The following SUMF1 variants were observed in gnomAD, a reference collection of about 807,000 sequenced individuals.
SUMF1 encodes formylglycine-generating enzyme.
Under a neutral mutation model 47.6 loss-of-function variants are expected in SUMF1, and 48 were observed. That is an observed-to-expected ratio of 1.01 (90% CI 0.80 to 1.28). The LOEUF (loss-of-function observed/expected upper bound fraction) is 1.28. SUMF1 is among the 50% of genes most tolerant of loss of function. SUMF1 has a pLI of 0.00. For synonymous variants in SUMF1, 230 were observed against 192.1 expected, an observed-to-expected ratio of 1.20 and a Z score of -1.63; for missense variants, 571 against 485.4, an observed-to-expected ratio of 1.18 and a Z score of -1.66.
intron 9 of SUMF1, among the ~76,000 whole-genome samples, chr3:4,042,343 G>C (rs979800211): frequency 6.6e-6 from 1 of 151,858 alleles, no homozygotes; most frequent in African/African-American, 2.4e-5. Context: ...TTGTTTGCTT[G>C]TTTGTTTTTA....
intron 8 of SUMF1, among the ~76,000 whole-genome samples, chr3:4,269,499 C>G (rs1697263978): frequency 6.6e-6 from 1 of 152,142 alleles, no homozygotes; most frequent in Admixed American, 6.5e-5. Flanking sequence ...GCGTGTTTAG[C>G]AGATACATGC....
chr3:4,384,132 T>A (rs573141099), intron 7 of SUMF1, among the ~76,000 whole-genome samples: 2 of 152,336 alleles, frequency 1.3e-5, no homozygotes, highest in African/African-American at 4.8e-5. Context: ...ATCTGAGGTA[T>A]CAGCTAGTTC....
intron 7 of SUMF1, among the ~76,000 whole-genome samples, chr3:4,396,002 TTGACC>T: frequency 6.6e-6 from 1 of 152,252 alleles, no homozygotes; most frequent in Non-Finnish European, 1.5e-5. Context: ...AGACATATAA[TTGACC>T]ATCCAAATAA....
At chr3:4,174,384 T>A (rs1469599114) in intron 8 of SUMF1, among the ~76,000 whole-genome samples, 4 of 146,594 alleles carry the variant, frequency 2.7e-5, no homozygotes, top group Non-Finnish European at 6.0e-5. Flanking sequence ...AAAATTATGG[T>A]TACCCAGTTT....
At chr3:4,332,853 AC>A (rs1575105505) in intron 8 of SUMF1, among the ~76,000 whole-genome samples, 3 of 152,104 alleles carry the variant, frequency 2.0e-5, no homozygotes, top group Admixed American at 6.5e-5. Context: ...CTTTTGGCCC[AC>A]CATGCCGCCT....
At chr3:4,213,210 T>C (rs566465478) in intron 8 of SUMF1, among the ~76,000 whole-genome samples, 1 of 152,080 alleles carries the variant, frequency 6.6e-6, no homozygotes, top group South Asian at 2.1e-4. Flanking sequence ...TAACAGCAAA[T>C]CTCTCTGCAG....
At chr3:4,463,287 C>A (rs1274203320) in intron 1 of SUMF1, among the ~76,000 whole-genome samples, 1 of 152,134 alleles carries the variant, frequency 6.6e-6, no homozygotes, top group Admixed American at 6.5e-5. Context: ...GTCAAAAGAT[C>A]GAGACAATCC....
At chr3:4,287,169 T>C (rs948620530) in intron 8 of SUMF1, among the ~76,000 whole-genome samples, 4 of 152,120 alleles carry the variant, frequency 2.6e-5, no homozygotes. Context: ...CCTAATATGT[T>C]AAATACTGGT....
intron 8 of SUMF1, among the ~76,000 whole-genome samples, chr3:4,177,311 T>C (rs1305736510): frequency 6.6e-6 from 1 of 152,018 alleles, no homozygotes; most frequent in Non-Finnish European, 1.5e-5. Context: ...TCAGCAAATG[T>C]AAAAGAAAAG....
At chr3:4,320,070 G>T (rs1483697239) in intron 8 of SUMF1, among the ~76,000 whole-genome samples, 4 of 152,194 alleles carry the variant, frequency 2.6e-5, no homozygotes, top group Admixed American at 6.5e-5. Context: ...TACTGTGATG[G>T]TGTATACATG....
intron 8 of SUMF1, among the ~76,000 whole-genome samples, chr3:4,327,820 T>G (rs946454323): frequency 6.6e-6 from 1 of 152,186 alleles, no homozygotes; most frequent in East Asian, 1.9e-4. Context: ...TTGGAAAATG[T>G]GTTAAATATC....
At chr3:4,217,831 A>G (rs1409181558) in intron 8 of SUMF1, among the ~76,000 whole-genome samples, 1 of 151,710 alleles carries the variant, frequency 6.6e-6, no homozygotes, top group African/African-American at 2.4e-5. Context: ...GAAAAAATTA[A>G]GTTGTATACC....
chr3:4,217,509 ATTTT>A (rs1211193043), intron 8 of SUMF1, among the ~76,000 whole-genome samples: 1 of 71,076 alleles, frequency 1.4e-5, no homozygotes, highest in African/African-American at 8.4e-5. Flanking sequence ...AACTTAAAGT[ATTTT>A]TTATATATAT....
rs571066959 is a variant in SUMF1, at chr3:4,076,922, T to G, written c.1015-8177A>C. The stretch of plus-strand genomic sequence containing the variant: ...GGGAGGCTGAGGCAGGAGAATGGCG[T>G]GAACCCGAGAGGCAGAGCTTGCAGT... On this transcript the variant is annotated intron_variant and NMD_transcript_variant, in intron 8 of 12. Transcript: ENST00000448413. Among the ~76,000 whole-genome samples, 75 of 152,000 alleles carry G rather than the reference T, an allele frequency of 4.9e-4. 2 individuals carry two copies. In the East Asian group the frequency reaches 0.014, roughly 28 times the overall value.
At chr3:4,391,598 T>C (rs1274114465) in intron 7 of SUMF1, among the ~76,000 whole-genome samples, 1 of 152,080 alleles carries the variant, frequency 6.6e-6, no homozygotes, top group African/African-American at 2.4e-5. Context: ...TCTTTCCACC[T>C]AAGCTTCCTG....
chr3:4,345,162 G>A (rs1006824306), intron 8 of SUMF1, among the ~76,000 whole-genome samples: 4 of 152,202 alleles, frequency 2.6e-5, no homozygotes, highest in African/African-American at 9.6e-5. Context: ...AGGCCAACAC[G>A]CAAATTCAAG....
At chr3:4,105,277 G>C (rs1442802124) in intron 8 of SUMF1, among the ~76,000 whole-genome samples, 1 of 152,098 alleles carries the variant, frequency 6.6e-6, no homozygotes, top group African/African-American at 2.4e-5. Flanking sequence ...CAGAGTTTTA[G>C]TTAAACAAAA....
chr3:4,376,031 A>G (rs1470264430), intron 8 of SUMF1, among the ~76,000 whole-genome samples: 1 of 152,232 alleles, frequency 6.6e-6, no homozygotes, highest in African/African-American at 2.4e-5. Context: ...ACATGCTGGA[A>G]AAGTTATATA....
At chr3:4,205,873 T>G (rs934039199) in intron 8 of SUMF1, among the ~76,000 whole-genome samples, 2 of 152,118 alleles carry the variant, frequency 1.3e-5, no homozygotes, top group Non-Finnish European at 2.9e-5. Flanking sequence ...CTGGGTCACA[T>G]CTGAAGCCAC....
Sources: gnomAD v4.1 joint callset for allele counts (sites outside exome capture counted in the v4.1 genomes callset) on GRCh38, gnomAD v4.1.1 for gene constraint, MANE v1.5 for transcripts, NCBI Gene and HGNC (gene_info 2026-07-23, HGNC 2026-07-21) for gene names.